Variants in TRHR observed in about 807,000 individuals in gnomAD.
TRHR encodes thyrotropin releasing hormone receptor.
A neutral mutation model predicts 28.0 loss-of-function variants in TRHR; 14 were observed. The ratio of observed to expected loss-of-function variants is 0.50; its 90% CI spans 0.33 to 0.78. The LOEUF (loss-of-function observed/expected upper bound fraction) is 0.78, where lower values mean the gene tolerates loss of function less well. Among genes scored for constraint, TRHR ranks in the 30% least tolerant of loss-of-function variants. The pLI is 0.02. For synonymous variants in TRHR, 176 were observed against 171.9 expected (o/e 1.02, Z -0.18); for missense variants, 438 against 469.5 (o/e 0.93, Z 0.62).
chr8:109,096,021 C>T (rs1274109225), intron 2 of TRHR, among the ~76,000 whole-genome samples: 1 of 152,112 alleles, frequency 6.6e-6, no homozygotes, highest in South Asian at 2.1e-4. Context: ...GCACATTGCT[C>T]ACTAAAGGAT....
intron 2 of TRHR, among the ~76,000 whole-genome samples, chr8:109,107,490 C>A (rs1811768429): frequency 6.6e-6 from 1 of 152,196 alleles, no homozygotes; most frequent in African/African-American, 2.4e-5. Flanking sequence ...AGCCTGTCCC[C>A]TTCACCACTA....
chr8:109,093,976 C>T (rs910320608), intron 2 of TRHR, among the ~76,000 whole-genome samples: 1 of 151,848 alleles, frequency 6.6e-6, no homozygotes, highest in Non-Finnish European at 1.5e-5. Flanking sequence ...CTGTAAGACA[C>T]ATAGGAAAGG....
At chr8:109,111,762 T>G (rs934033805) in intron 2 of TRHR, among the ~76,000 whole-genome samples, 3 of 152,178 alleles carry the variant, frequency 2.0e-5, no homozygotes, top group Admixed American at 6.6e-5. Flanking sequence ...TTTTGTGCAG[T>G]ACAGATGAAG....
chr8:109,119,467 G>GAAGAAAATGGATGACA lies in TRHR; in HGVS notation c.*22_*37dup. The GAAGAAAATGGATGACA allele has an allele frequency of 6.2e-7, 1 of 1,610,652 alleles. No individual in the cohort carries two copies. Among genetic ancestry groups the GAAGAAAATGGATGACA allele is most frequent in the Non-Finnish European group, 8.5e-7 (1 of 1,178,732 alleles). On this transcript the variant is annotated 3_prime_UTR_variant, in exon 3 of 3. Coordinates refer to ENST00000518632, the MANE Select transcript of TRHR (RefSeq NM_003301.7). ...TTAGCCAAAGTTGATTCATGAATTA[G>GAAGAAAATGGATGACA]AAGAAAATGGATGACAAAGAAAATG...
Position 109,088,153 on chromosome 8 carries a change from T to C in TRHR, c.641T>C (p.Ile214Thr). 2 of 1,614,212 alleles carry C rather than the reference T, an allele frequency of 1.2e-6. No individual in the cohort carries two copies. The highest frequency in any genetic ancestry group is 1.7e-6 in the Non-Finnish European group (2 of 1,180,042). Residue 214 changes from isoleucine to threonine, a missense_variant, in exon 2 of 3, where the codon ATA (isoleucine) becomes ACA (threonine). By Grantham distance (89) the Ile-to-Thr change is moderately conservative (BLOSUM62 -1). Transcript: ENST00000518632. ...MILATVLYGF[I>T]ARILFLNPIP... ...CTGGCTACCGTCCTCTATGGATTCA[T>C]AGCTAGAATCCTTTTCTTAAATCCC...
chr8:109,105,324 T>A (rs549701629), intron 2 of TRHR, among the ~76,000 whole-genome samples: 23 of 152,300 alleles, frequency 1.5e-4, no homozygotes, highest in African/African-American at 5.5e-4. Context: ...TTGCCAATGG[T>A]ACGAACTCTC....
intron 2 of TRHR, among the ~76,000 whole-genome samples, chr8:109,101,811 T>C (rs1055117239): frequency 6.6e-6 from 1 of 152,124 alleles, no homozygotes; most frequent in Non-Finnish European, 1.5e-5. Context: ...AGTATAGAGA[T>C]GGTTTGTTGA....
chr8:109,087,628 G>T lies in TRHR; in HGVS notation c.116G>T (p.Gly39Val). 1.2e-6 allele frequency: 2 copies of T among 1,614,096 alleles called. No individual in the cohort carries two copies. Among genetic ancestry groups the T allele is most frequent in the Non-Finnish European group, 1.7e-6 (2 of 1,180,014 alleles). The change falls in exon 2 of 3, where the codon GGC becomes GTC. Residue 39 changes from glycine to valine, a missense_variant. By Grantham distance (109) the Gly-to-Val change is moderately radical (BLOSUM62 -3). Transcript: ENST00000518632. ...ILLVLIICGL[G>V]IVGNIMVVLV... ...CTTGTACTCATTATTTGTGGCCTGG[G>T]CATTGTAGGCAACATCATGGTAGTC... is the stretch of plus-strand genomic sequence containing the variant.
intron 2 of TRHR, among the ~76,000 whole-genome samples, chr8:109,116,943 G>T (rs1270975758): frequency 6.6e-6 from 1 of 152,010 alleles, no homozygotes; most frequent in South Asian, 2.1e-4. Context: ...AAATGCACAG[G>T]AGAGATACTA....
In TRHR at chr8:109,087,955, T is replaced by G. The variant is rs1563620226; in HGVS notation, c.443T>G (p.Phe148Cys). 1.2e-6 allele frequency: 2 copies of G among 1,614,158 alleles called. No individual in the cohort carries two copies. Among genetic ancestry groups the G allele is most frequent in the Non-Finnish European group, 1.7e-6 (2 of 1,180,032 alleles). ...TCCAGAGCCAAAAAGATTATCATCT[T>G]TGTCTGGGCTTTCACATCTCTTTAC... is the stretch of plus-strand genomic sequence containing the variant. ...TFSRAKKIII[F>C]VWAFTSLYCM... Residue 148 changes from phenylalanine to cysteine, a missense_variant, in exon 2 of 3, where the codon TTT becomes TGT. Physicochemically the swap from Phe to Cys is radical, Grantham distance 205. Coordinates refer to ENST00000518632, the MANE Select transcript of TRHR (RefSeq NM_003301.7).
At chr8:109,118,931 C>A in intron 2 of TRHR, 117 bp from the exon 3 acceptor site, 1 of 1,296,716 alleles carries the variant, frequency 7.7e-7, no homozygotes, top group Non-Finnish European at 1.1e-6. Context: ...ATGACCTGCA[C>A]CTAACTCCTT....
In TRHR at chr8:109,088,150, T is replaced by C. The variant is rs764957849; in HGVS notation, c.638T>C (p.Phe213Ser). 1.4e-5 allele frequency: 23 copies of C among 1,614,212 alleles called. No homozygotes were observed. In the East Asian group the frequency reaches 4.9e-4, roughly 34 times the overall value. Residue 213 changes from phenylalanine to serine, a missense_variant, in exon 2 of 3, where the codon TTC becomes TCC. Transcript: ENST00000518632. ...PMILATVLYG[F>S]IARILFLNPI... is the part of the protein sequence containing the mutation. ...ATCCTGGCTACCGTCCTCTATGGAT[T>C]CATAGCTAGAATCCTTTTCTTAAAT... is the stretch of plus-strand genomic sequence containing the variant.
chr8:109,092,521 C>G, intron 2 of TRHR, among the ~76,000 whole-genome samples: 1 of 152,048 alleles, frequency 6.6e-6, no homozygotes, highest in Non-Finnish European at 1.5e-5. Flanking sequence ...ACTGCAACCT[C>G]TGCCCCCAGG....
At chr8:109,104,512 T>C (rs529379661) in intron 2 of TRHR, among the ~76,000 whole-genome samples, 1 of 152,270 alleles carries the variant, frequency 6.6e-6, no homozygotes, top group African/African-American at 2.4e-5. Context: ...ATATTTTATA[T>C]TTATTGCCAT....
At chr8:109,111,381 G>C (rs1049683914) in intron 2 of TRHR, among the ~76,000 whole-genome samples, 3 of 152,138 alleles carry the variant, frequency 2.0e-5, no homozygotes, top group Non-Finnish European at 4.4e-5. Context: ...GGCCATCTGA[G>C]AGTATAATAT....
intron 2 of TRHR, among the ~76,000 whole-genome samples, chr8:109,091,080 A>T (rs549504904): frequency 6.6e-6 from 1 of 152,310 alleles, no homozygotes; most frequent in South Asian, 2.1e-4. Context: ...GGGATGAGAA[A>T]TCTGACAGCC....
rs370089496 is a variant in TRHR at position 109,088,246 on chromosome 8, T to C, written c.734T>C (p.Leu245Pro). ...GATTCAACCCATCAGAACACAAATC[T>C]GAATGTAAATACCTCTAATAGATGT... ...KNDSTHQNTN[L>P]NVNTSNRCFN... Residue 245 changes from leucine (L) to proline (P), a missense_variant, in exon 2 of 3, where the codon CTG becomes CCG. By Grantham distance (98) the Leu-to-Pro change is moderately conservative. Coordinates refer to ENST00000518632, the MANE Select transcript of TRHR (RefSeq NM_003301.7). 1 of 1,614,026 alleles carries C rather than the reference T, an allele frequency of 6.2e-7. No homozygotes were observed. Among genetic ancestry groups the C allele is most frequent in the Admixed American group, 1.7e-5 (1 of 60,002 alleles).
chr8:109,117,885 C>G (rs1274181937), intron 2 of TRHR, among the ~76,000 whole-genome samples: 1 of 151,920 alleles, frequency 6.6e-6, no homozygotes, highest in Non-Finnish European at 1.5e-5. Context: ...CATATTCTCA[C>G]TGAACAATTT....
At position 109,119,796 on chromosome 8, in the gene TRHR, C is replaced by A. The variant is rs186250349; in HGVS notation, c.*341C>A. Among the ~76,000 whole-genome samples, 5 of 151,954 alleles carry A rather than the reference C, an allele frequency of 3.3e-5. No homozygotes were observed. The East Asian group carries it at 9.7e-4, about 29-fold the overall frequency. On this transcript the variant is annotated 3_prime_UTR_variant, in exon 3 of 3. Transcript: ENST00000518632. ...CATCAATTTACATTATTCATAGTAACCTTATCAAATGTCACTTTTCAACTT... is the reference window on the plus strand; with the variant it reads ...CATCAATTTACATTATTCATAGTAAACTTATCAAATGTCACTTTTCAACTT...
Sources: allele counts gnomAD v4.1 joint callset (sites outside exome capture counted in the v4.1 genomes callset), GRCh38; gene constraint gnomAD v4.1.1; transcripts MANE v1.5; gene names NCBI Gene and HGNC (gene_info 2026-07-23, HGNC 2026-07-21).